The following SEPTIN9 variants were observed in gnomAD, a reference collection of about 807,000 sequenced individuals.
The protein encoded by SEPTIN9 is septin-9.
In SEPTIN9, 13 loss-of-function variants were observed where a neutral mutation model predicts 56.6. The ratio of observed to expected loss-of-function variants is 0.23; its 90% CI spans 0.15 to 0.37. The LOEUF is 0.37. Among genes scored for constraint, SEPTIN9 ranks in the 10% least tolerant of loss-of-function variants. SEPTIN9 has a pLI of 1.00. For synonymous variants in SEPTIN9, 332 were observed against 334.1 expected, an observed-to-expected ratio of 0.99 and a Z score of 0.07; for missense variants, 650 against 823.1, an observed-to-expected ratio of 0.79 and a Z score of 2.57.
chr17:77,321,864 C>G (rs980125569), intron 2 of SEPTIN9, among the ~76,000 whole-genome samples: 1 of 152,232 alleles, frequency 6.6e-6, no homozygotes, highest in Non-Finnish European at 1.5e-5. Flanking sequence ...GGCTCAGGCC[C>G]GCTGGGACGG....
At position 77,429,047 on chromosome 17, in the gene SEPTIN9, C is replaced by T. The variant is rs577112811; in HGVS notation, c.721+26344C>T. 2.1e-6 allele frequency: 1 copy of T among 471,540 alleles called. No individual in the cohort carries two copies. The highest frequency in any genetic ancestry group is 4.4e-6 in the Non-Finnish European group (1 of 227,142). 29.2% of individuals were successfully genotyped at this position (471,540 alleles called of 1,614,324 possible). ...GGAGCATCTCAGCAGCCCTCCGCCC[C>T]CTGCTCCTGGTTGCAGATGTACCTG... is the stretch of plus-strand genomic sequence containing the variant. On this transcript the variant is annotated intron_variant, in intron 3 of 11. Coordinates refer to ENST00000427177, the MANE Select transcript of SEPTIN9 (RefSeq NM_001113491.2). The surrounding 1 kb of genome is among the most constrained non-coding windows in gnomAD (Gnocchi z 5.2).
In SEPTIN9 at chr17:77,313,035, T is replaced by C. The variant is rs970422651; in HGVS notation, c.76+5838T>C. ...TCTTCACGTTGGATCCACAAATTCA[T>C]TGTTTATCCAGTGAACGGTTACTGG... On this transcript the variant is annotated intron_variant, in intron 2 of 11. Coordinates refer to ENST00000427177, the MANE Select transcript of SEPTIN9 (RefSeq NM_001113491.2). The surrounding 1 kb of genome is among the most constrained non-coding windows in gnomAD (Gnocchi z 4.5). Among the ~76,000 whole-genome samples, 15 of 152,092 alleles carry C rather than the reference T, an allele frequency of 9.9e-5. No homozygotes were observed. Among genetic ancestry groups the C allele is most frequent in the African/African-American group, 3.6e-4 (15 of 41,412 alleles).
intron 3 of SEPTIN9, among the ~76,000 whole-genome samples, chr17:77,473,473 T>G (rs1443749597): frequency 6.6e-6 from 1 of 152,168 alleles, no homozygotes; most frequent in East Asian, 1.9e-4. Context: ...GCTCAAACGA[T>G]CCTCCCGCCT....
intron 1 of SEPTIN9, among the ~76,000 whole-genome samples, chr17:77,290,759 G>T (rs1197242161): frequency 2.7e-5 from 4 of 150,718 alleles, no homozygotes; most frequent in African/African-American, 9.7e-5. Flanking sequence ...AGCTTGCAGT[G>T]AGCCGAGATT....
intron 3 of SEPTIN9, among the ~76,000 whole-genome samples, chr17:77,464,298 G>A (rs577253244): frequency 1.3e-5 from 2 of 152,154 alleles, no homozygotes; most frequent in East Asian, 1.9e-4. Context: ...GGCTAGTCTC[G>A]AACCCCTGAC....
At position 77,402,540 on chromosome 17, in the gene SEPTIN9, G is replaced by A. The variant is rs2035936284; in HGVS notation, c.558G>A (p.Lys186=). ...CCCCTGCCACCGACGCAGCCCCCAA[G>A]AGGGTGGAGATCCAGATGCCCAAGC... The part of the protein sequence containing the change: ...PTAPATDAAP[K]RVEIQMPKPA... Residue 186 remains lysine (K), a synonymous_variant, in exon 3 of 12, where the codon AAG becomes AAA. Transcript: ENST00000427177. This position sits in a 1 kb window ranked among gnomAD's most constrained non-coding sequence, Gnocchi z 6.6. The A allele has an allele frequency of 6.2e-7, 1 of 1,608,572 alleles. No homozygotes were observed. The highest frequency in any genetic ancestry group is 8.5e-7 in the Non-Finnish European group (1 of 1,177,960).
At chr17:77,339,966 C>A (rs2033676615) in intron 2 of SEPTIN9, among the ~76,000 whole-genome samples, 2 of 151,752 alleles carry the variant, frequency 1.3e-5, no homozygotes, top group Admixed American at 1.3e-4. Flanking sequence ...GCTGGGACTG[C>A]AGGTGTGCAC....
Position 77,475,289 on chromosome 17 carries a change from T to C in SEPTIN9, c.722-6855T>C. On this transcript the variant is annotated intron_variant, in intron 3 of 11. Coordinates refer to ENST00000427177, the MANE Select transcript of SEPTIN9 (RefSeq NM_001113491.2). This position sits in a 1 kb window ranked among gnomAD's most constrained non-coding sequence, Gnocchi z 4.6. ...GTCTGGACGCAGAGAGCAGGCTCTG[T>C]GTGGGAGCGGGGAGGGCAAGCCCTG... The C allele has an allele frequency of 1.1e-5, 16 of 1,413,396 alleles. No individual in the cohort carries two copies. The South Asian group carries it at 2.2e-4, about 19-fold the overall frequency. 87.6% of individuals were successfully genotyped at this position (1,413,396 alleles called of 1,614,324 possible). A position where few individuals can be genotyped will look rare whatever the true frequency, so the allele number is the denominator to read the frequency against.
rs1186583725 is a variant in SEPTIN9, at chr17:77,436,457, C to G, written c.721+33754C>G. Among the ~76,000 whole-genome samples the G allele has an allele frequency of 6.6e-6, 1 of 152,172 alleles. No homozygotes were observed. On this transcript the variant is annotated intron_variant, in intron 3 of 11. Transcript: ENST00000427177. The surrounding 1 kb of genome is among the most constrained non-coding windows in gnomAD (Gnocchi z 4.4). The stretch of plus-strand genomic sequence containing the variant: ...GGCAAAGCAAAGAGCCTCACTTTCT[C>G]CCCGCAGATGGGACGGGGGCGGGGC...
At chr17:77,470,285 C>T (rs1197992064) in intron 3 of SEPTIN9, among the ~76,000 whole-genome samples, 1 of 151,186 alleles carries the variant, frequency 6.6e-6, no homozygotes, top group Non-Finnish European at 1.5e-5. Context: ...CACTTATCCA[C>T]CCATCTACTC....
chr17:77,493,053 A>G lies in SEPTIN9; in HGVS notation c.1550A>G (p.Lys517Arg). The change falls in exon 10 of 12, where the codon AAG becomes AGG. Residue 517 changes from lysine (K) to arginine (R), a missense_variant. Around this residue, in one of 2 missense-constraint regions of SEPTIN9, gnomAD observed 333 missense variants for 494.0 expected, o/e 0.67. Transcript: ENST00000427177. ...QVNGKRILGRKTKWGTIEVEN... is the reference protein window; with the variant it reads ...QVNGKRILGRRTKWGTIEVEN... ...AACGGCAAGAGGATCCTTGGGAGGA[A>G]GACCAAGTGGGGTACCATCGAAGGT... is the stretch of plus-strand genomic sequence containing the variant. The G allele has an allele frequency of 6.4e-7, 1 of 1,562,236 alleles. No homozygotes were observed.
At chr17:77,345,799 G>A (rs2033872103) in intron 2 of SEPTIN9, among the ~76,000 whole-genome samples, 1 of 152,176 alleles carries the variant, frequency 6.6e-6, no homozygotes, top group South Asian at 2.1e-4. Context: ...TGACATGACT[G>A]TATTTGGCCA....
intron 1 of SEPTIN9, among the ~76,000 whole-genome samples, chr17:77,298,118 G>A (rs2031895582): frequency 6.6e-6 from 1 of 152,238 alleles, no homozygotes; most frequent in African/African-American, 2.4e-5. Context: ...AAAGGAGAAT[G>A]TGTTACCTCC....
At chr17:77,401,406 G>A (rs2035892226) in intron 2 of SEPTIN9, among the ~76,000 whole-genome samples, 1 of 152,152 alleles carries the variant, frequency 6.6e-6, no homozygotes, top group African/African-American at 2.4e-5. Context: ...GTGTCCCAGT[G>A]TGTGCCTTGG....
rs1014923758 is a variant in SEPTIN9 at position 77,352,154 on chromosome 17, T to C, written c.76+44957T>C. ...GGCTCATGCCTGTAATCCCAGCACT[T>C]TGGGAGGCCGAGGCGGTTGGATCAC... On this transcript the variant is annotated intron_variant, in intron 2 of 11. Coordinates refer to ENST00000427177, the MANE Select transcript of SEPTIN9 (RefSeq NM_001113491.2). 6.6e-5 allele frequency among the ~76,000 whole-genome samples: 10 copies of C among 151,976 alleles called. No homozygotes were observed. The South Asian group carries it at 1.0e-3, about 16-fold the overall frequency.
In SEPTIN9 at chr17:77,452,700, G is replaced by A. The variant is rs140054254; in HGVS notation, c.722-29444G>A. On this transcript the variant is annotated intron_variant, in intron 3 of 11. Transcript: ENST00000427177. ...TTGGAAGAGGAGGAAGCAGAAAAAG[G>A]CCCCATTCCCTAATAATGCTGTGGG... Among the ~76,000 whole-genome samples, 10 of 152,060 alleles carry A rather than the reference G, an allele frequency of 6.6e-5. No individual in the cohort carries two copies. In the East Asian group the frequency reaches 7.7e-4, roughly 12 times the overall value.
rs2036883630 is a variant in SEPTIN9, at chr17:77,425,751, C to T, written c.721+23048C>T. 6.6e-6 allele frequency among the ~76,000 whole-genome samples: 1 copy of T among 150,924 alleles called. No homozygotes were observed. Among genetic ancestry groups the T allele is most frequent in the Non-Finnish European group, 1.5e-5 (1 of 67,834 alleles). ...AGGAAGCTGCCCCCCGCTCATCTAC[C>T]CCCCAACCCTCCCAGCCAGCAGAGT... is the stretch of plus-strand genomic sequence containing the variant. On this transcript the variant is annotated intron_variant, in intron 3 of 11. Coordinates refer to ENST00000427177, the MANE Select transcript of SEPTIN9 (RefSeq NM_001113491.2). This position sits in a 1 kb window ranked among gnomAD's most constrained non-coding sequence, Gnocchi z 4.2.
chr17:77,475,484 A>G lies in SEPTIN9; in HGVS notation c.722-6660A>G. ...AGAAGCCCCTTTGTGGGGGACAGGG[A>G]GCATCTGTTAGTTTATAGGACCTGA... On this transcript the variant is annotated intron_variant, in intron 3 of 11. Transcript: ENST00000427177. This position sits in a 1 kb window ranked among gnomAD's most constrained non-coding sequence, Gnocchi z 4.6. 6.3e-7 allele frequency: 1 copy of G among 1,593,788 alleles called. No individual in the cohort carries two copies.
chr17:77,460,110 A>G (rs1395505773), intron 3 of SEPTIN9, among the ~76,000 whole-genome samples: 1 of 144,626 alleles, frequency 6.9e-6, no homozygotes, highest in Non-Finnish European at 1.5e-5. Flanking sequence ...CAGGGATCAC[A>G]TTTCAGCATG....
Sources: gnomAD v4.1 joint callset for allele counts (sites outside exome capture counted in the v4.1 genomes callset) on GRCh38, gnomAD v4.1.1 for gene constraint, gnomAD v4.1.1 regional missense constraint, Gnocchi (gnomAD v3.1) non-coding constraint, MANE v1.5 for transcripts, NCBI Gene and HGNC (gene_info 2026-07-23, HGNC 2026-07-21) for gene names.